The following CRADD variants were observed in gnomAD, a reference collection of about 807,000 sequenced individuals.
The protein encoded by CRADD is CARD and death domain containing adaptor protein.
Under a neutral mutation model 15.5 loss-of-function variants are expected in CRADD, and 9 were observed. The ratio of observed to expected loss-of-function variants is 0.58; its 90% CI spans 0.35 to 1.01. The LOEUF is 1.01. Ranked by LOEUF, CRADD falls within the 50% of genes least tolerant of loss-of-function variation. The pLI, the probability that CRADD is intolerant of heterozygous loss-of-function variation, is 0.02. For synonymous variants in CRADD, 118 were observed against 107.6 expected, an observed-to-expected ratio of 1.10 and a Z score of -0.60; for missense variants, 227 against 250.3, an observed-to-expected ratio of 0.91 and a Z score of 0.63.
intron 2 of CRADD, among the ~76,000 whole-genome samples, chr12:93,749,833 G>GTT (rs1956810394): frequency 6.6e-6 from 1 of 152,002 alleles, no homozygotes; most frequent in African/African-American, 2.4e-5. Flanking sequence ...CTCTTTTTGT[G>GTT]TTTGTCCATT....
intron 2 of CRADD, among the ~76,000 whole-genome samples, chr12:93,725,914 A>G (rs1288790999): frequency 6.6e-6 from 1 of 152,092 alleles, no homozygotes; most frequent in East Asian, 1.9e-4. Context: ...GGAAGCTCAG[A>G]CACATGAACT....
At chr12:93,801,973 C>T (rs1357758321) in intron 2 of CRADD, among the ~76,000 whole-genome samples, 1 of 152,220 alleles carries the variant, frequency 6.6e-6, no homozygotes, top group Non-Finnish European at 1.5e-5. Context: ...AGTTACTTCA[C>T]TTAGAATAAT....
intron 2 of CRADD, among the ~76,000 whole-genome samples, chr12:93,732,634 A>G (rs1322941837): frequency 1.3e-5 from 2 of 152,192 alleles, no homozygotes; most frequent in Non-Finnish European, 2.9e-5. Context: ...TGTAGCAGTT[A>G]AGAGGGTGCA....
At chr12:93,806,431 G>A (rs1161324172) in intron 2 of CRADD, among the ~76,000 whole-genome samples, 19 of 125,128 alleles carry the variant, frequency 1.5e-4, no homozygotes, top group Admixed American at 7.0e-4. Flanking sequence ...TGGCCTAGGC[G>A]ACAGAGCGAG....
At chr12:93,749,202 G>A (rs75214012) in intron 2 of CRADD, among the ~76,000 whole-genome samples, 1,886 of 152,280 alleles carry the variant, frequency 0.012, 21 homozygotes, top group Middle Eastern at 0.031. Context: ...GGCACCTAAA[G>A]GATGAGCAAG....
intron 2 of CRADD, among the ~76,000 whole-genome samples, chr12:93,690,429 T>C (rs535877205): frequency 1.2e-4 from 18 of 152,320 alleles, no homozygotes; most frequent in South Asian, 4.1e-4. Flanking sequence ...CCAAAGGTGG[T>C]AGATAAAACG....
At chr12:93,693,867 A>G (rs1018753656) in intron 2 of CRADD, among the ~76,000 whole-genome samples, 2 of 152,120 alleles carry the variant, frequency 1.3e-5, no homozygotes, top group Admixed American at 6.5e-5. Flanking sequence ...TGAAAAGCCC[A>G]GAACCTGATG....
At position 93,850,544 on chromosome 12, in the gene CRADD, A is replaced by C; in HGVS notation, c.*273A>C. On this transcript the variant is annotated 3_prime_UTR_variant, in exon 3 of 3. Coordinates refer to ENST00000332896, the MANE Select transcript of CRADD (RefSeq NM_003805.5). The surrounding 1 kb of genome is among the most constrained non-coding windows in gnomAD (Gnocchi z 4.0). The stretch of plus-strand genomic sequence containing the variant: ...GTTTTTAAATGTGTAATGGCATTTT[A>C]ATAGACTAGTAAATCACAGTGGTTC... 1.8e-6 allele frequency: 2 copies of C among 1,114,702 alleles called. No individual in the cohort carries two copies. Among genetic ancestry groups the C allele is most frequent in the Non-Finnish European group, 2.2e-6 (2 of 904,440 alleles). 69.1% of individuals were successfully genotyped at this position (1,114,702 alleles called of 1,614,324 possible).
At chr12:93,771,500 C>A (rs1342162653) in intron 2 of CRADD, among the ~76,000 whole-genome samples, 2 of 152,156 alleles carry the variant, frequency 1.3e-5, no homozygotes, top group Admixed American at 6.5e-5. Context: ...ACATATAACC[C>A]CTTGTCACGT....
At chr12:93,727,375 C>A (rs1956387070) in intron 2 of CRADD, among the ~76,000 whole-genome samples, 1 of 152,168 alleles carries the variant, frequency 6.6e-6, no homozygotes, top group South Asian at 2.1e-4. Context: ...GTAAATAGTT[C>A]ATCCAAGCTG....
At chr12:93,834,416 TGATTTTGATTA>T (rs1957951275) in intron 2 of CRADD, among the ~76,000 whole-genome samples, 1 of 152,236 alleles carries the variant, frequency 6.6e-6, no homozygotes, top group South Asian at 2.1e-4. Context: ...AATCTAGCTT[TGATTTTGATTA>T]GTTATGTTAT....
chr12:93,778,471 A>G (rs1010061117), intron 2 of CRADD, among the ~76,000 whole-genome samples: 1 of 152,224 alleles, frequency 6.6e-6, no homozygotes, highest in African/African-American at 2.4e-5. Context: ...AACTAAGCTT[A>G]GCCATACTTA....
chr12:93,727,928 T>C (rs1315554324), intron 2 of CRADD, among the ~76,000 whole-genome samples: 4 of 152,192 alleles, frequency 2.6e-5, no homozygotes, highest in Non-Finnish European at 5.9e-5. Flanking sequence ...TAGAAGTTTT[T>C]CCTGACAATA....
intron 2 of CRADD, among the ~76,000 whole-genome samples, chr12:93,734,959 A>G (rs774092327): frequency 1.3e-5 from 2 of 152,170 alleles, no homozygotes; most frequent in South Asian, 2.1e-4. Flanking sequence ...GCTTTCTCAT[A>G]GCACCCTGTG....
chr12:93,679,418 A>G (rs1208012352), intron 2 of CRADD, among the ~76,000 whole-genome samples: 1 of 152,214 alleles, frequency 6.6e-6, no homozygotes, highest in Non-Finnish European at 1.5e-5. Flanking sequence ...CTGGGATTAC[A>G]GACGTGAGCC....
chr12:93,850,326 C>T lies in CRADD; in HGVS notation c.*55C>T. 1 of 1,525,392 alleles carries T rather than the reference C, an allele frequency of 6.6e-7. No individual in the cohort carries two copies. The highest frequency in any genetic ancestry group is 8.8e-7 in the Non-Finnish European group (1 of 1,139,966). The allele number at this position is 1,525,392 out of a possible 1,614,324, so 94.5% of individuals were successfully genotyped here. A position where few individuals can be genotyped will look rare whatever the true frequency, so the allele number is the denominator to read the frequency against. On this transcript the variant is annotated 3_prime_UTR_variant, in exon 3 of 3. Transcript: ENST00000332896. The surrounding 1 kb of genome is among the most constrained non-coding windows in gnomAD (Gnocchi z 4.0). Reference sequence around the variant, plus strand: ...GTCCCTGAGTCATGTGGGCTGAATCCTGACTTTCACTCAGAGCAGGTGGTT... The same window carrying T: ...GTCCCTGAGTCATGTGGGCTGAATCTTGACTTTCACTCAGAGCAGGTGGTT...
chr12:93,823,851 CT>C (rs1206604243), intron 2 of CRADD, among the ~76,000 whole-genome samples: 2 of 152,168 alleles, frequency 1.3e-5, no homozygotes, highest in African/African-American at 4.8e-5. Flanking sequence ...TCTAAAGAGA[CT>C]GTACTAGAAG....
At chr12:93,732,975 A>G (rs865855440) in intron 2 of CRADD, among the ~76,000 whole-genome samples, 16 of 152,126 alleles carry the variant, frequency 1.1e-4, no homozygotes, top group Middle Eastern at 3.4e-3. Context: ...GCCCTTAACA[A>G]CCTCCTAACC....
intron 2 of CRADD, among the ~76,000 whole-genome samples, chr12:93,769,966 G>C (rs552050735): frequency 6.6e-6 from 1 of 152,184 alleles, no homozygotes; most frequent in Non-Finnish European, 1.5e-5. Flanking sequence ...CTCTTAGTAG[G>C]GTTAATGGAG....
Sources: gnomAD v4.1 joint callset for allele counts (sites outside exome capture counted in the v4.1 genomes callset) on GRCh38, gnomAD v4.1.1 for gene constraint, Gnocchi (gnomAD v3.1) non-coding constraint, MANE v1.5 for transcripts, NCBI Gene and HGNC (gene_info 2026-07-23, HGNC 2026-07-21) for gene names.